Variants in PPIA observed in about 807,000 individuals in gnomAD.
The protein encoded by PPIA is peptidylprolyl isomerase A.
Under a neutral mutation model 15.3 loss-of-function variants are expected in PPIA, and 2 were observed. That is an observed-to-expected ratio of 0.13 (90% CI 0.05 to 0.41). PPIA has a LOEUF of 0.41. Ranked by LOEUF, PPIA falls within the 10% of genes least tolerant of loss-of-function variation. The pLI is 0.99. For synonymous variants in PPIA, 67 were observed against 73.1 expected, an observed-to-expected ratio of 0.92 and a Z score of 0.43; for missense variants, 103 against 210.3, an observed-to-expected ratio of 0.49 and a Z score of 3.16.
chr7:44,801,255 G>A, intron 4 of PPIA, 32 bp from the exon 5 acceptor site: 1 of 1,609,246 alleles, frequency 6.2e-7, no homozygotes. Context: ...GTTTGTGGTT[G>A]CCAGTCATAG....
chr7:44,800,671 A>T (rs1792525027), intron 4 of PPIA: 1 of 154,222 alleles, frequency 6.5e-6, no homozygotes, highest in Admixed American at 6.5e-5. Context: ...AAGTGCTGGG[A>T]TTACAGGCAT....
chr7:44,799,652 C>T (rs1562771230), intron 3 of PPIA, 50 bp from the exon 4 acceptor site: 1 of 1,609,540 alleles, frequency 6.2e-7, no homozygotes, highest in South Asian at 1.1e-5. Flanking sequence ...AGATTTGGCA[C>T]ACTTCATGGT....
In PPIA at chr7:44,802,536, C is replaced by T. The variant is rs1792599581; in HGVS notation, c.*1114C>T. The T allele has an allele frequency of 6.6e-6, 1 of 152,116 alleles. No homozygotes were observed. The highest frequency in any genetic ancestry group is 2.4e-5 in the African/African-American group (1 of 41,420). 9.4% of individuals were successfully genotyped at this position (152,116 alleles called of 1,614,324 possible). A position where few individuals can be genotyped will look rare whatever the true frequency, so the allele number is the denominator to read the frequency against. On this transcript the variant is annotated 3_prime_UTR_variant, in exon 5 of 5. Coordinates refer to ENST00000468812, the MANE Select transcript of PPIA (RefSeq NM_021130.5). ...CTTTAGGCTGTAGGTCAAGTTTATA[C>T]ATCTTAATTATGGTGGAATTCCTAT...
chr7:44,796,712 T>G lies in PPIA; in HGVS notation c.-13T>G, dbSNP rs11539970. On this transcript the variant is annotated 5_prime_UTR_variant, in exon 1 of 5. Coordinates refer to ENST00000468812, the MANE Select transcript of PPIA (RefSeq NM_021130.5). ...CAGACGCCACCGCCGAGGAAAACCG[T>G]GTACTATTAGCCATGGTCAACCCCA... 256 of 1,609,888 alleles carry G rather than the reference T, an allele frequency of 1.6e-4. No homozygotes were observed. Among genetic ancestry groups the G allele is most frequent in the Non-Finnish European group, 2.1e-4 (250 of 1,178,440 alleles).
In PPIA at chr7:44,796,696, C is replaced by G. The variant is rs553159589; in HGVS notation, c.-29C>G. 1 of 1,607,190 alleles carries G rather than the reference C, an allele frequency of 6.2e-7. No individual in the cohort carries two copies. The highest frequency in any genetic ancestry group is 8.5e-7 in the Non-Finnish European group (1 of 1,176,350). On this transcript the variant is annotated 5_prime_UTR_variant, in exon 1 of 5. Coordinates refer to ENST00000468812, the MANE Select transcript of PPIA (RefSeq NM_021130.5). ...GGCTCGTGCCGTTTTGCAGACGCCA[C>G]CGCCGAGGAAAACCGTGTACTATTA... is the stretch of plus-strand genomic sequence containing the variant.
At chr7:44,799,115 C>A in intron 1 of PPIA, 132 bp from the exon 2 acceptor site, 1 of 1,204,034 alleles carries the variant, frequency 8.3e-7, no homozygotes. Context: ...AGGAGCAGTT[C>A]TTGGGAATTA....
chr7:44,799,300 A>T, intron 2 of PPIA, 23 bp downstream of exon 2: 1 of 1,613,226 alleles, frequency 6.2e-7, no homozygotes, highest in Non-Finnish European at 8.5e-7. Context: ...TCTAAGTTTA[A>T]CAAAGATGTT....
At chr7:44,800,736 G>A (rs1047688436) in intron 4 of PPIA, among the ~76,000 whole-genome samples, 1 of 151,890 alleles carries the variant, frequency 6.6e-6, no homozygotes, top group African/African-American at 2.4e-5. Context: ...TTAATAACAT[G>A]CGGTTGGTTG....
Position 44,796,698 on chromosome 7 carries a change from G to C in PPIA, c.-27G>C. On this transcript the variant is annotated 5_prime_UTR_variant, in exon 1 of 5. Transcript: ENST00000468812. The stretch of plus-strand genomic sequence containing the variant: ...CTCGTGCCGTTTTGCAGACGCCACC[G>C]CCGAGGAAAACCGTGTACTATTAGC... 1.9e-6 allele frequency: 3 copies of C among 1,607,406 alleles called. 1 individual carries two copies. The highest frequency in any genetic ancestry group is 2.2e-5 in the South Asian group (2 of 90,910).
At chr7:44,800,752 T>C (rs1792528317) in intron 4 of PPIA, among the ~76,000 whole-genome samples, 1 of 151,772 alleles carries the variant, frequency 6.6e-6, no homozygotes, top group Admixed American at 6.6e-5. Flanking sequence ...GGTTGGGTTT[T>C]TTGTTTCTTT....
rs1313661382 is a variant in PPIA, at chr7:44,802,687, T to C, written c.*1265T>C. ...TAGAGCCTCTCCCTAGCTTTGGTTA[T>C]GGAGGCTTTGAGGTTTTGCAAACCT... On this transcript the variant is annotated 3_prime_UTR_variant, in exon 5 of 5. Transcript: ENST00000468812. 6.6e-6 allele frequency: 1 copy of C among 152,212 alleles called. No homozygotes were observed. The highest frequency in any genetic ancestry group is 1.5e-5 in the Non-Finnish European group (1 of 68,054). The allele number at this position is 152,212 out of a possible 1,614,324, so 9.4% of individuals were successfully genotyped here.
chr7:44,797,311 T>C (rs1252481112), intron 1 of PPIA, among the ~76,000 whole-genome samples: 1 of 152,204 alleles, frequency 6.6e-6, no homozygotes, highest in African/African-American at 2.4e-5. Context: ...AGCCCGTCCA[T>C]GCTCGGTCCT....
intron 1 of PPIA, chr7:44,798,828 C>T: frequency 1.0e-6 from 1 of 997,402 alleles, no homozygotes; most frequent in Non-Finnish European, 1.2e-6. Context: ...GTAGCATTTT[C>T]ATTACAAGTG....
Position 44,799,256 on chromosome 7 carries a change from G to C in PPIA, c.79G>C (p.Asp27His). The change falls in exon 2 of 5, where the codon GAC becomes CAC. Residue 27 changes from aspartate (D) to histidine (H), a missense_variant. Coordinates refer to ENST00000468812, the MANE Select transcript of PPIA (RefSeq NM_021130.5). ...LGRVSFELFA[D>H]KVPKTAENFR... is the part of the protein sequence containing the mutation. ...TAATTTTCTCTTACAGCTGTTTGCA[G>C]ACAAGGTCCCAAAGACAGCAGGTTG... 1 of 1,613,740 alleles carries C rather than the reference G, an allele frequency of 6.2e-7. No individual in the cohort carries two copies. The highest frequency in any genetic ancestry group is 8.5e-7 in the Non-Finnish European group (1 of 1,179,906).
Position 44,801,379 on chromosome 7 carries a change from C to T in PPIA, c.455C>T (p.Thr152Ile). The change falls in exon 5 of 5, where the codon ACC (threonine) becomes ATC (isoleucine). Residue 152 changes from threonine to isoleucine, a missense_variant. Coordinates refer to ENST00000468812, the MANE Select transcript of PPIA (RefSeq NM_021130.5). ...MERFGSRNGK[T>I]SKKITIADCG... ...CGCTTTGGGTCCAGGAATGGCAAGACCAGCAAGAAGATCACCATTGCTGAC... is the reference window on the plus strand; with the variant it reads ...CGCTTTGGGTCCAGGAATGGCAAGATCAGCAAGAAGATCACCATTGCTGAC... 1 of 1,569,002 alleles carries T rather than the reference C, an allele frequency of 6.4e-7. No individual in the cohort carries two copies. The highest frequency in any genetic ancestry group is 8.7e-7 in the Non-Finnish European group (1 of 1,143,264).
Position 44,802,629 on chromosome 7 carries a change from T to A in PPIA, c.*1207T>A, listed in dbSNP as rs1792601815. On this transcript the variant is annotated 3_prime_UTR_variant, in exon 5 of 5. Coordinates refer to ENST00000468812, the MANE Select transcript of PPIA (RefSeq NM_021130.5). ...CCCTGCAGAGGGTTAAGGCGCAGAC[T>A]ACCTGCAGTGAGGAGGTACTGCTTG... The A allele has an allele frequency of 1.3e-5, 2 of 152,176 alleles. No homozygotes were observed. The highest frequency in any genetic ancestry group is 1.3e-4 in the Admixed American group (2 of 15,264). The allele number at this position is 152,176 out of a possible 1,614,324, so 9.4% of individuals were successfully genotyped here.
chr7:44,799,194 G>C, intron 1 of PPIA, 53 bp from the exon 2 acceptor site: 1 of 1,574,608 alleles, frequency 6.4e-7, no homozygotes, highest in Admixed American at 1.7e-5. Flanking sequence ...AAAGACATGG[G>C]TACTAAGCAA....
chr7:44,800,791 T>G (rs998239638), intron 4 of PPIA, among the ~76,000 whole-genome samples: 1 of 152,000 alleles, frequency 6.6e-6, no homozygotes, highest in Non-Finnish European at 1.5e-5. Context: ...TGTTTGTTTT[T>G]GGGGGAGGGG....
At chr7:44,798,669 C>T (rs569695666) in intron 1 of PPIA, 2 of 859,564 alleles carry the variant, frequency 2.3e-6, no homozygotes, top group Non-Finnish European at 2.8e-6. Context: ...CCTCTCTAGC[C>T]ATAACGTATT....
Sources: allele counts gnomAD v4.1 joint callset (sites outside exome capture counted in the v4.1 genomes callset), GRCh38; gene constraint gnomAD v4.1.1; transcripts MANE v1.5; gene names NCBI Gene and HGNC (gene_info 2026-07-23, HGNC 2026-07-21).